Variants in GNAQ observed in about 807,000 individuals in gnomAD.
The protein encoded by GNAQ is guanine nucleotide-binding protein G(q) subunit alpha.
In GNAQ, 8 loss-of-function variants were observed where a neutral mutation model predicts 43.9. The observed-to-expected ratio is 0.18, with a 90% CI of 0.11 to 0.33. GNAQ has a LOEUF of 0.33. GNAQ is among the 10% of genes least tolerant of loss of function. The pLI is 1.00. For missense variants in GNAQ, 158 were observed against 450.8 expected, an observed-to-expected ratio of 0.35 and a Z score of 5.88; for synonymous variants, 155 against 170.7, an observed-to-expected ratio of 0.91 and a Z score of 0.71.
At chr9:77,902,046 A>T (rs374918551) in intron 2 of GNAQ, among the ~76,000 whole-genome samples, 1 of 152,310 alleles carries the variant, frequency 6.6e-6, no homozygotes, top group Non-Finnish European at 1.5e-5. Context: ...GGATCTCAAC[A>T]TACAAATTTT....
intron 1 of GNAQ, among the ~76,000 whole-genome samples, chr9:78,003,455 G>A (rs538393616): frequency 1.6e-4 from 24 of 152,298 alleles, no homozygotes; most frequent in African/African-American, 5.8e-4. Flanking sequence ...GATACCTTCA[G>A]AGATGACGAA....
chr9:77,922,326 C>T lies in GNAQ; in HGVS notation c.156G>A (p.Lys52=), dbSNP rs1197555949. The T allele has an allele frequency of 6.2e-7, 1 of 1,612,926 alleles. No individual in the cohort carries two copies. The change falls in exon 2 of 7, where the codon AAG becomes AAA. Residue 52 remains lysine, a synonymous_variant. Coordinates refer to ENST00000286548, the MANE Select transcript of GNAQ (RefSeq NM_002072.5). ...TTCTCATCTGCTTGATAAACGTACT[C>T]TTGCCACTCTCTCCTGTCCCTGAAA... ...LLLLGTGESG[K]STFIKQMRII... is the part of the protein sequence containing the mutation.
At chr9:77,940,292 G>A (rs943471634) in intron 1 of GNAQ, among the ~76,000 whole-genome samples, 1 of 152,118 alleles carries the variant, frequency 6.6e-6, no homozygotes, top group African/African-American at 2.4e-5. Flanking sequence ...TTAAAAATAG[G>A]ACCTAGGTTG....
intron 5 of GNAQ, among the ~76,000 whole-genome samples, chr9:77,748,352 A>G (rs1825761844): frequency 6.6e-6 from 1 of 152,198 alleles, no homozygotes; most frequent in African/African-American, 2.4e-5. Context: ...TCCTAAAATT[A>G]CCCTGGAAAG....
chr9:78,011,105 A>C (rs538005691), intron 1 of GNAQ, among the ~76,000 whole-genome samples: 1 of 152,320 alleles, frequency 6.6e-6, no homozygotes, highest in South Asian at 2.1e-4. Context: ...CTCCATTCTG[A>C]ATGACTTCTC....
chr9:77,954,365 C>T (rs1225679176), intron 1 of GNAQ, among the ~76,000 whole-genome samples: 1 of 152,218 alleles, frequency 6.6e-6, no homozygotes, highest in Admixed American at 6.5e-5. Context: ...AGAAGGTGTG[C>T]TAATACGATG....
At chr9:77,954,203 G>A (rs931352635) in intron 1 of GNAQ, among the ~76,000 whole-genome samples, 8 of 152,186 alleles carry the variant, frequency 5.3e-5, no homozygotes, top group Non-Finnish European at 7.3e-5. Flanking sequence ...TTCACTGCAA[G>A]AGGCACTGTA....
At chr9:77,896,324 T>G (rs549253952) in intron 2 of GNAQ, among the ~76,000 whole-genome samples, 172 of 152,306 alleles carry the variant, frequency 1.1e-3, no homozygotes, top group African/African-American at 4.0e-3. Context: ...TACATAAAAG[T>G]TTGGAGAATT....
chr9:77,789,910 A>C (rs1435139535), intron 5 of GNAQ, among the ~76,000 whole-genome samples: 1 of 152,128 alleles, frequency 6.6e-6, no homozygotes, highest in Non-Finnish European at 1.5e-5. Context: ...TTCTAGCGTA[A>C]GGGAAGCAAG....
At chr9:77,991,080 G>GC (rs1195104055) in intron 1 of GNAQ, among the ~76,000 whole-genome samples, 1 of 152,224 alleles carries the variant, frequency 6.6e-6, no homozygotes, top group Non-Finnish European at 1.5e-5. Context: ...GACAGAAGGT[G>GC]CACAAAGTGA....
At chr9:77,750,641 A>T (rs1479642309) in intron 5 of GNAQ, among the ~76,000 whole-genome samples, 1 of 138,628 alleles carries the variant, frequency 7.2e-6, no homozygotes, top group Non-Finnish European at 1.6e-5. Flanking sequence ...TCTTTCTTGA[A>T]GTCTTCCCAG....
At chr9:77,788,165 T>C (rs1052640977) in intron 5 of GNAQ, among the ~76,000 whole-genome samples, 2 of 152,170 alleles carry the variant, frequency 1.3e-5, no homozygotes, top group African/African-American at 4.8e-5. Flanking sequence ...TTTTCAATTG[T>C]GTATATATCA....
chr9:78,010,864 C>T (rs564780889), intron 1 of GNAQ, among the ~76,000 whole-genome samples: 26 of 152,158 alleles, frequency 1.7e-4, no homozygotes, highest in Non-Finnish European at 3.4e-4. Flanking sequence ...CTTATGTCCC[C>T]CAACTTCAAG....
chr9:77,800,103 G>C (rs1459249191), intron 3 of GNAQ, among the ~76,000 whole-genome samples: 1 of 152,096 alleles, frequency 6.6e-6, no homozygotes, highest in Non-Finnish European at 1.5e-5. Flanking sequence ...TAAAAAATAG[G>C]AACACTTTTA....
intron 1 of GNAQ, among the ~76,000 whole-genome samples, chr9:78,022,158 C>T (rs1184903715): frequency 2.6e-5 from 4 of 152,158 alleles, no homozygotes; most frequent in East Asian, 3.9e-4. Flanking sequence ...CAGGCCAACC[C>T]GAAGGAGCCC....
At chr9:77,985,363 G>C (rs1339166140) in intron 1 of GNAQ, among the ~76,000 whole-genome samples, 1 of 152,018 alleles carries the variant, frequency 6.6e-6, no homozygotes, top group Non-Finnish European at 1.5e-5. Flanking sequence ...GTTTTGTTTT[G>C]GTTTTCCTTT....
At chr9:77,800,641 G>A (rs1826729344) in intron 3 of GNAQ, among the ~76,000 whole-genome samples, 1 of 152,130 alleles carries the variant, frequency 6.6e-6, no homozygotes, top group Admixed American at 6.5e-5. Flanking sequence ...CAGCGCACCA[G>A]CATGGCACAT....
chr9:77,810,191 T>C (rs188866496), intron 3 of GNAQ, among the ~76,000 whole-genome samples: 1 of 151,984 alleles, frequency 6.6e-6, no homozygotes, highest in East Asian at 1.9e-4. Flanking sequence ...ATCTATCTTA[T>C]CTAAAAACTG....
chr9:77,954,001 T>C, intron 1 of GNAQ, among the ~76,000 whole-genome samples: 1 of 152,238 alleles, frequency 6.6e-6, no homozygotes, highest in East Asian at 1.9e-4. Flanking sequence ...TATCCCACTT[T>C]ACCAAGTGGC....
Sources: allele counts gnomAD v4.1 joint callset (sites outside exome capture counted in the v4.1 genomes callset), GRCh38; gene constraint gnomAD v4.1.1; transcripts MANE v1.5; gene names NCBI Gene and HGNC (gene_info 2026-07-23, HGNC 2026-07-21).